Variants in KIAA1549 observed in about 807,000 individuals in gnomAD.
The protein encoded by KIAA1549 is UPF0606 protein KIAA1549.
A neutral mutation model predicts 156.4 loss-of-function variants in KIAA1549; 70 were observed. The observed-to-expected ratio is 0.45, with a 90% CI of 0.37 to 0.55. The LOEUF (loss-of-function observed/expected upper bound fraction) is 0.55. Ranked by LOEUF, KIAA1549 falls within the 20% of genes least tolerant of loss-of-function variation. KIAA1549 has a pLI of 0.00. For synonymous variants in KIAA1549, 1,103 were observed against 1,066.4 expected (o/e 1.03, Z -0.67); for missense variants, 2,428 against 2,540.9 (o/e 0.96, Z 0.96).
chr7:138,974,887 A>T (rs1299705479), intron 1 of KIAA1549, among the ~76,000 whole-genome samples: 1 of 151,642 alleles, frequency 6.6e-6, no homozygotes, highest in Non-Finnish European at 1.5e-5. Flanking sequence ...GTCTCTGGAG[A>T]TTTACATAGC....
At chr7:138,969,251 A>C (rs1404174487) in intron 1 of KIAA1549, among the ~76,000 whole-genome samples, 8 of 152,190 alleles carry the variant, frequency 5.3e-5, no homozygotes, top group Non-Finnish European at 1.2e-4. Flanking sequence ...TCATCTTGCA[A>C]AGCTGAAACT....
chr7:138,913,125 C>T (rs1467378534), intron 2 of KIAA1549, among the ~76,000 whole-genome samples: 2 of 152,166 alleles, frequency 1.3e-5, no homozygotes, highest in African/African-American at 4.8e-5. Flanking sequence ...CCACCTGCCT[C>T]AGCCTCCCAA....
At chr7:138,963,231 A>G (rs1243855281) in intron 1 of KIAA1549, among the ~76,000 whole-genome samples, 1 of 152,276 alleles carries the variant, frequency 6.6e-6, no homozygotes, top group Non-Finnish European at 1.5e-5. Flanking sequence ...AATGAAAAAC[A>G]GGACCCAGGC....
intron 1 of KIAA1549, among the ~76,000 whole-genome samples, chr7:138,947,276 T>C (rs1298838233): frequency 6.6e-6 from 1 of 152,188 alleles, no homozygotes; most frequent in Non-Finnish European, 1.5e-5. Context: ...GAATGCCTAC[T>C]ATATGCCAAA....
At chr7:138,977,655 A>AACACACACACACACACACACACACACAC (rs10625706) in intron 1 of KIAA1549, among the ~76,000 whole-genome samples, 16 of 146,916 alleles carry the variant, frequency 1.1e-4, no homozygotes, top group African/African-American at 4.0e-4. Context: ...TACTCAAGAA[A>AACACACACACACACACACACACACACAC]ACACACACAC....
At chr7:138,904,847 A>G (rs1811962173) in intron 7 of KIAA1549, among the ~76,000 whole-genome samples, 175 bp downstream of exon 7, 1 of 152,194 alleles carries the variant, frequency 6.6e-6, no homozygotes, top group South Asian at 2.1e-4. Context: ...TCTATAACTC[A>G]GTGGGATATA....
At chr7:138,879,722 T>C (rs1271150124) in intron 11 of KIAA1549, 69 bp from the exon 12 acceptor site, 3 of 1,048,696 alleles carry the variant, frequency 2.9e-6, no homozygotes, top group African/African-American at 3.2e-5. Flanking sequence ...TCCCATTAAT[T>C]TGTGTGTGGA....
rs1201752539 is a variant in KIAA1549 at position 138,883,089 on chromosome 7, T to TAAAAAAAAAAA, written c.4033-1516_4033-1506dup. Among the ~76,000 whole-genome samples the TAAAAAAAAAAA allele has an allele frequency of 6.8e-4, 32 of 47,076 alleles. 15 individuals carry two copies. The highest frequency in any genetic ancestry group is 2.8e-3 in the African/African-American group (32 of 11,558). The allele number at this position is 47,076 out of a possible 152,430, so 30.9% of individuals were successfully genotyped here. A position where few individuals can be genotyped will look rare whatever the true frequency, so the allele number is the denominator to read the frequency against. On this transcript the variant is annotated intron_variant, in intron 10 of 19. Transcript: ENST00000422774. ...CAACATGGTGAAACCCCATCTCCCC[T>TAAAAAAAAAAA]AAAAAAAAAAAAAAAAAAAAAAAAA...
intron 10 of KIAA1549, among the ~76,000 whole-genome samples, chr7:138,883,933 T>G (rs1012497445): frequency 1.3e-5 from 2 of 151,948 alleles, no homozygotes; most frequent in Non-Finnish European, 2.9e-5. Context: ...GGCTAATGAG[T>G]TGACTGATGA....
chr7:138,891,894 T>C (rs1402677064), intron 10 of KIAA1549, among the ~76,000 whole-genome samples: 1 of 152,194 alleles, frequency 6.6e-6, no homozygotes, highest in Non-Finnish European at 1.5e-5. Flanking sequence ...GAAACACGTA[T>C]GAACTAAAGA....
chr7:138,848,899 A>G (rs1430232722), intron 17 of KIAA1549, among the ~76,000 whole-genome samples: 1 of 152,124 alleles, frequency 6.6e-6, no homozygotes, highest in East Asian at 1.9e-4. Context: ...TTTTTCCATT[A>G]CAGAAAAAAA....
chr7:138,893,608 T>A (rs1811602341), intron 10 of KIAA1549, among the ~76,000 whole-genome samples: 1 of 152,226 alleles, frequency 6.6e-6, no homozygotes, highest in Admixed American at 6.5e-5. Flanking sequence ...GTTAAAATGT[T>A]CAAGGTATGT....
In KIAA1549 at chr7:138,917,922, T is replaced by C. The variant is rs755986683; in HGVS notation, c.1704A>G (p.Ser568=). 2 of 1,598,752 alleles carry C rather than the reference T, an allele frequency of 1.3e-6. No homozygotes were observed. Among genetic ancestry groups the C allele is most frequent in the Non-Finnish European group, 1.7e-6 (2 of 1,172,616 alleles). ...FSVITSILLD[S]SFSVIANKNT... is the part of the protein sequence containing the mutation. Reference sequence around the variant, plus strand: ...TTTTGTTTGCTATGACAGAGAAAGATGAGTCAAGGAGAATGCTGGTGATGA... The same window carrying C: ...TTTTGTTTGCTATGACAGAGAAAGACGAGTCAAGGAGAATGCTGGTGATGA... The change falls in exon 2 of 20, where the codon TCA becomes TCG. Residue 568 remains serine (S), a synonymous_variant. Transcript: ENST00000422774.
At chr7:138,965,966 C>T (rs1413537052) in intron 1 of KIAA1549, among the ~76,000 whole-genome samples, 3 of 152,216 alleles carry the variant, frequency 2.0e-5, no homozygotes, top group Admixed American at 2.0e-4. Flanking sequence ...CACAGGCCTC[C>T]TGTGCCTCCC....
At chr7:138,934,654 G>T (rs955508500) in intron 1 of KIAA1549, among the ~76,000 whole-genome samples, 3 of 152,120 alleles carry the variant, frequency 2.0e-5, no homozygotes, top group African/African-American at 7.2e-5. Flanking sequence ...CTGGGTCTCA[G>T]GTCCTTCATC....
chr7:138,955,657 G>A (rs1309602742), intron 1 of KIAA1549, among the ~76,000 whole-genome samples: 2 of 152,034 alleles, frequency 1.3e-5, no homozygotes, highest in Admixed American at 1.3e-4. Context: ...CCCATTTTAT[G>A]AAAAAAGTAA....
chr7:138,894,845 C>G (rs1811640148), intron 9 of KIAA1549, among the ~76,000 whole-genome samples: 1 of 152,196 alleles, frequency 6.6e-6, no homozygotes, highest in Admixed American at 6.5e-5. Flanking sequence ...CTTATCACTG[C>G]AGGATATTTC....
intron 1 of KIAA1549, among the ~76,000 whole-genome samples, chr7:138,971,743 C>G (rs1814227256): frequency 6.6e-6 from 1 of 152,208 alleles, no homozygotes; most frequent in Non-Finnish European, 1.5e-5. Context: ...CACTTCCCTT[C>G]TCTTGCTGGA....
chr7:138,934,516 A>AT (rs767270062), intron 1 of KIAA1549, among the ~76,000 whole-genome samples: 44 of 152,178 alleles, frequency 2.9e-4, no homozygotes, highest in Non-Finnish European at 5.6e-4. Flanking sequence ...TTGAATTGCC[A>AT]TATGTCACAT....
Sources: allele counts gnomAD v4.1 joint callset (sites outside exome capture counted in the v4.1 genomes callset), GRCh38; gene constraint gnomAD v4.1.1; transcripts MANE v1.5; gene names NCBI Gene and HGNC (gene_info 2026-07-23, HGNC 2026-07-21).